Variants in B4GALT2 observed in about 807,000 individuals in gnomAD.
B4GALT2 encodes the protein beta-1,4-galactosyltransferase 2, also known as N-acetyllactosamine synthase.
In B4GALT2, 18 loss-of-function variants were observed where a neutral mutation model predicts 33.2. The observed-to-expected ratio is 0.54, with a 90% CI of 0.38 to 0.80. The LOEUF (loss-of-function observed/expected upper bound fraction) is 0.80. Among genes scored for constraint, B4GALT2 ranks in the 30% least tolerant of loss-of-function variants. B4GALT2 has a pLI of 0.00. For synonymous variants in B4GALT2, 214 were observed against 217.6 expected, an observed-to-expected ratio of 0.98 and a Z score of 0.15; for missense variants, 404 against 526.2, an observed-to-expected ratio of 0.77 and a Z score of 2.27.
chr1:43,986,391 G>C (rs1014022066), intron 6 of B4GALT2, among the ~76,000 whole-genome samples: 3 of 152,332 alleles, frequency 2.0e-5, no homozygotes. Flanking sequence ...AGCCTTCCTG[G>C]AGGAGGTGAT....
chr1:43,983,095 G>A (rs1343932163), intron 3 of B4GALT2, among the ~76,000 whole-genome samples: 1 of 152,198 alleles, frequency 6.6e-6, no homozygotes, highest in Non-Finnish European at 1.5e-5. Context: ...AGCTCTGGGG[G>A]AGTGTGACTC....
At chr1:43,985,982 C>T (rs774516755) in intron 6 of B4GALT2, 66 of 309,158 alleles carry the variant, frequency 2.1e-4, no homozygotes, top group East Asian at 9.8e-4. Context: ...GGACCCCTGC[C>T]GGGGCAGATA....
At chr1:43,985,125 C>T (rs1006572664) in intron 4 of B4GALT2, 70 bp downstream of exon 4, 227 of 1,586,588 alleles carry the variant, frequency 1.4e-4, no homozygotes, top group Non-Finnish European at 1.7e-4. Flanking sequence ...TTCCAGCCCC[C>T]GAGCCCCGCT....
rs1255121032 is a variant in B4GALT2, at chr1:43,979,782, G to A, written c.-53+271G>A. On this transcript the variant is annotated intron_variant, in intron 1 of 6. Coordinates refer to ENST00000372324, the MANE Select transcript of B4GALT2 (RefSeq NM_003780.5). The surrounding 1 kb of genome is among the most constrained non-coding windows in gnomAD (Gnocchi z 4.8). ...AGGCGTTCCATACACGTTTCCCCTTGGCCTTTGCCTCATCCGCTGCCCTCC... is the reference window on the plus strand; with the variant it reads ...AGGCGTTCCATACACGTTTCCCCTTAGCCTTTGCCTCATCCGCTGCCCTCC... 1.9e-6 allele frequency: 1 copy of A among 517,218 alleles called. No individual in the cohort carries two copies. Among genetic ancestry groups the A allele is most frequent in the Non-Finnish European group, 3.4e-6 (1 of 290,082 alleles). 32.0% of individuals were successfully genotyped at this position (517,218 alleles called of 1,614,324 possible).
rs1383522394 is a variant in B4GALT2, at chr1:43,981,232, C to A, written c.72C>A (p.Phe24Leu). ...TGCTCCTTCTCTGCCTGCTGCACTT[C>A]CTCGTGGCCGTCATCCTCTACTTTG... Reference protein sequence around the residue: ...KAVLLLCLLHFLVAVILYFDV... With the variant: ...KAVLLLCLLHLLVAVILYFDV... The change falls in exon 2 of 7, where the codon TTC (phenylalanine) becomes TTA (leucine). Residue 24 changes from phenylalanine (F) to leucine (L), a missense_variant. By Grantham distance (22) the Phe-to-Leu change is conservative (BLOSUM62 0). Coordinates refer to ENST00000372324, the MANE Select transcript of B4GALT2 (RefSeq NM_003780.5). The surrounding 1 kb of genome is among the most constrained non-coding windows in gnomAD (Gnocchi z 8.1). The A allele has an allele frequency of 6.2e-7, 1 of 1,605,708 alleles. No homozygotes were observed. Among genetic ancestry groups the A allele is most frequent in the Non-Finnish European group, 8.5e-7 (1 of 1,179,880 alleles).
At chr1:43,990,015 T>G (rs1164688684) in intron 6 of B4GALT2, among the ~76,000 whole-genome samples, 3 of 152,236 alleles carry the variant, frequency 2.0e-5, no homozygotes, top group Admixed American at 2.0e-4. Flanking sequence ...AGATCCTATT[T>G]ATAATTAGGT....
chr1:43,981,297 GTGCCCGAGGCCCTGCCCA>G lies in B4GALT2; in HGVS notation c.143_160del (p.Arg48_Ala53del). 2 of 1,605,158 alleles carry G rather than the reference GTGCCCGAGGCCCTGCCCA, an allele frequency of 1.2e-6. No homozygotes were observed. Among genetic ancestry groups the G allele is most frequent in the African/African-American group, 2.7e-5 (2 of 75,046 alleles). On this transcript the variant is annotated inframe_deletion, in exon 2 of 7. Coordinates refer to ENST00000372324, the MANE Select transcript of B4GALT2 (RefSeq NM_003780.5). This position sits in a 1 kb window ranked among gnomAD's most constrained non-coding sequence, Gnocchi z 8.1. Reference sequence around the variant, plus strand: ...CACCTGGCCTTCTTCAGCCGCTTCAGTGCCCGAGGCCCTGCCCATGCCCTCCACCCAGCTGCTAGCAGC... The same window carrying G: ...CACCTGGCCTTCTTCAGCCGCTTCAGTGCCCTCCACCCAGCTGCTAGCAGC...
chr1:43,984,505 C>T lies in B4GALT2; in HGVS notation c.550-360C>T, dbSNP rs2085634044. 6.6e-6 allele frequency among the ~76,000 whole-genome samples: 1 copy of T among 152,228 alleles called. No homozygotes were observed. Among genetic ancestry groups the T allele is most frequent in the Non-Finnish European group, 1.5e-5 (1 of 68,044 alleles). ...CCATGGGAAGGAAGGAATAAGCGTA[C>T]TGGGGTGGGGAAGTGTGGTCAGGGG... On this transcript the variant is annotated intron_variant, in intron 3 of 6. Coordinates refer to ENST00000372324, the MANE Select transcript of B4GALT2 (RefSeq NM_003780.5). This position sits in a 1 kb window ranked among gnomAD's most constrained non-coding sequence, Gnocchi z 5.6.
chr1:43,984,095 C>T lies in B4GALT2; in HGVS notation c.550-770C>T, dbSNP rs2085630546. ...CCTAGTCCAGAGTCTGGTGCTTAGG[C>T]CTACATGGCCAGGACCCCTGCAGCC... is the stretch of plus-strand genomic sequence containing the variant. On this transcript the variant is annotated intron_variant, in intron 3 of 6. Transcript: ENST00000372324. This position sits in a 1 kb window ranked among gnomAD's most constrained non-coding sequence, Gnocchi z 5.6. Among the ~76,000 whole-genome samples, 1 of 152,228 alleles carries T rather than the reference C, an allele frequency of 6.6e-6. No homozygotes were observed. Among genetic ancestry groups the T allele is most frequent in the Non-Finnish European group, 1.5e-5 (1 of 68,038 alleles).
intron 6 of B4GALT2, among the ~76,000 whole-genome samples, chr1:43,989,946 G>A (rs2085707091): frequency 6.6e-6 from 1 of 152,228 alleles, no homozygotes; most frequent in Non-Finnish European, 1.5e-5. Flanking sequence ...GGCAGTTAGA[G>A]CATAGTCTCT....
At chr1:43,987,470 T>G (rs1273287523) in intron 6 of B4GALT2, among the ~76,000 whole-genome samples, 5 of 152,168 alleles carry the variant, frequency 3.3e-5, no homozygotes, top group Admixed American at 3.3e-4. Flanking sequence ...TCTACCTAGT[T>G]GCTGTTGCCT....
chr1:43,979,925 C>A lies in B4GALT2; in HGVS notation c.-53+414C>A, dbSNP rs765048002. ...CAAACGCACCCCTCAGCCTGGCCGCCAGCCTGACCCAGAACCCCTGCGCCG... is the reference window on the plus strand; with the variant it reads ...CAAACGCACCCCTCAGCCTGGCCGCAAGCCTGACCCAGAACCCCTGCGCCG... On this transcript the variant is annotated intron_variant, in intron 1 of 6. Coordinates refer to ENST00000372324, the MANE Select transcript of B4GALT2 (RefSeq NM_003780.5). The surrounding 1 kb of genome is among the most constrained non-coding windows in gnomAD (Gnocchi z 4.8). The A allele has an allele frequency of 6.7e-7, 1 of 1,485,430 alleles. No individual in the cohort carries two copies. The highest frequency in any genetic ancestry group is 9.0e-7 in the Non-Finnish European group (1 of 1,109,396). The allele number at this position is 1,485,430 out of a possible 1,614,324, so 92.0% of individuals were successfully genotyped here.
In B4GALT2 at chr1:43,981,990, T is replaced by C. The variant is rs2085604901; in HGVS notation, c.549+66T>C. The stretch of plus-strand genomic sequence containing the variant: ...GTGGGTTGGGGGCGTTTGTGGGTCC[T>C]TGTCTGCCCGTGTGGATATGTGGAT... On this transcript the variant is annotated intron_variant, in intron 3 of 6. Coordinates refer to ENST00000372324, the MANE Select transcript of B4GALT2 (RefSeq NM_003780.5). This position sits in a 1 kb window ranked among gnomAD's most constrained non-coding sequence, Gnocchi z 8.1. The C allele has an allele frequency of 6.6e-7, 1 of 1,506,968 alleles. No homozygotes were observed. The highest frequency in any genetic ancestry group is 1.2e-5 in the South Asian group (1 of 84,402). The allele number at this position is 1,506,968 out of a possible 1,614,324, so 93.3% of individuals were successfully genotyped here. A position where few individuals can be genotyped will look rare whatever the true frequency, so the allele number is the denominator to read the frequency against.
In B4GALT2 at chr1:43,982,541, G is replaced by A. The variant is rs2085612528; in HGVS notation, c.549+617G>A. 1.3e-5 allele frequency among the ~76,000 whole-genome samples: 2 copies of A among 152,220 alleles called. No homozygotes were observed. The highest frequency in any genetic ancestry group is 2.9e-5 in the Non-Finnish European group (2 of 68,044). On this transcript the variant is annotated intron_variant, in intron 3 of 6. Transcript: ENST00000372324. The surrounding 1 kb of genome is among the most constrained non-coding windows in gnomAD (Gnocchi z 4.3). ...AAGCAGTTGCTGAGATGGGTCTTGC[G>A]GGATGAGCAGGCATCAGGGGCTGCA...
intron 1 of B4GALT2, chr1:43,980,726 T>A: frequency 2.3e-6 from 1 of 426,866 alleles, no homozygotes; most frequent in Non-Finnish European, 3.5e-6. Flanking sequence ...CATGGGGGTC[T>A]ATAGGTAAAC....
intron 6 of B4GALT2, among the ~76,000 whole-genome samples, chr1:43,987,045 C>T (rs567142418): frequency 6.6e-6 from 1 of 152,086 alleles, no homozygotes; most frequent in South Asian, 2.1e-4. Flanking sequence ...ACTGGGGAGG[C>T]ACAGGGAGCT....
chr1:43,981,305 G>T lies in B4GALT2; in HGVS notation c.145G>T (p.Gly49Cys). The change falls in exon 2 of 7, where the codon GGC becomes TGC. Residue 49 changes from glycine (G) to cysteine (C), a missense_variant. Transcript: ENST00000372324. This position sits in a 1 kb window ranked among gnomAD's most constrained non-coding sequence, Gnocchi z 8.1. ...CTTCTTCAGCCGCTTCAGTGCCCGA[G>T]GCCCTGCCCATGCCCTCCACCCAGC... ...LAFFSRFSARGPAHALHPAAS... is the reference protein window; with the variant it reads ...LAFFSRFSARCPAHALHPAAS... The T allele has an allele frequency of 6.2e-7, 1 of 1,604,384 alleles. No individual in the cohort carries two copies. Among genetic ancestry groups the T allele is most frequent in the African/African-American group, 1.3e-5 (1 of 75,048 alleles).
At position 43,981,611 on chromosome 1, in the gene B4GALT2, AC is replaced by A. The variant is rs2085597612; in HGVS notation, c.314-73del. 1 of 1,537,372 alleles carries A rather than the reference AC, an allele frequency of 6.5e-7. No homozygotes were observed. Among genetic ancestry groups the A allele is most frequent in the African/African-American group, 1.4e-5 (1 of 72,758 alleles). ...GGCTATTCTTGGGGTTCCCTAGCCC[AC>A]CCCCAGGCTGAGGGTGGGGGCTGGT... On this transcript the variant is annotated intron_variant, in intron 2 of 6. Coordinates refer to ENST00000372324, the MANE Select transcript of B4GALT2 (RefSeq NM_003780.5). The surrounding 1 kb of genome is among the most constrained non-coding windows in gnomAD (Gnocchi z 8.1).
At chr1:43,989,953 CTCT>C (rs916346977) in intron 6 of B4GALT2, among the ~76,000 whole-genome samples, 38 of 152,350 alleles carry the variant, frequency 2.5e-4, no homozygotes, top group African/African-American at 8.2e-4. Context: ...AGAGCATAGT[CTCT>C]TCTTTAAGTG....
Sources: gnomAD v4.1 joint callset for allele counts (sites outside exome capture counted in the v4.1 genomes callset) on GRCh38, gnomAD v4.1.1 for gene constraint, Gnocchi (gnomAD v3.1) non-coding constraint, MANE v1.5 for transcripts, NCBI Gene and HGNC (gene_info 2026-07-23, HGNC 2026-07-21) for gene names.